The following FUT9 variants were observed in gnomAD, a reference collection of about 807,000 sequenced individuals.
FUT9 encodes the protein 4-galactosyl-N-acetylglucosaminide 3-alpha-L-fucosyltransferase 9.
In FUT9, 15 loss-of-function variants were observed where a neutral mutation model predicts 29.7. That is an observed-to-expected ratio of 0.51 (90% CI 0.34 to 0.78). The LOEUF (loss-of-function observed/expected upper bound fraction) is 0.78, where lower values mean the gene tolerates loss of function less well. Ranked by LOEUF, FUT9 falls within the 30% of genes least tolerant of loss-of-function variation. The pLI, the probability that FUT9 is intolerant of heterozygous loss-of-function variation, is 0.01. For synonymous variants in FUT9, 169 were observed against 153.7 expected (o/e 1.10, Z -0.74); for missense variants, 319 against 425.4 (o/e 0.75, Z 2.20).
chr6:96,098,741 C>A (rs1411395708), intron 1 of FUT9, among the ~76,000 whole-genome samples: 2 of 152,152 alleles, frequency 1.3e-5, no homozygotes, highest in African/African-American at 2.4e-5. Flanking sequence ...TAGGAAAGAT[C>A]TATCACCTAC....
chr6:96,028,862 C>A (rs1290595369), intron 1 of FUT9, among the ~76,000 whole-genome samples: 1 of 151,490 alleles, frequency 6.6e-6, no homozygotes, highest in African/African-American at 2.4e-5. Context: ...AAGAAGTTAT[C>A]TATTTTAATA....
chr6:96,066,347 T>G (rs57583838), intron 1 of FUT9, among the ~76,000 whole-genome samples: 84,200 of 151,578 alleles, frequency 0.56, 23,480 homozygotes, highest in South Asian at 0.64. Flanking sequence ...TAAATAAAAA[T>G]CTAGAACTAA....
intron 2 of FUT9, among the ~76,000 whole-genome samples, chr6:96,178,057 C>G (rs891492726): frequency 1.3e-5 from 2 of 152,068 alleles, no homozygotes; most frequent in Non-Finnish European, 2.9e-5. Context: ...TGGGGTCCAC[C>G]TACACTGCCA....
intron 2 of FUT9, among the ~76,000 whole-genome samples, chr6:96,144,003 T>C (rs895809305): frequency 9.2e-5 from 14 of 152,176 alleles, no homozygotes; most frequent in African/African-American, 2.4e-4. Context: ...CCAGATAAAA[T>C]AGTGAACTGT....
intron 2 of FUT9, among the ~76,000 whole-genome samples, chr6:96,189,068 G>T (rs1039638580): frequency 3.9e-5 from 6 of 152,126 alleles, no homozygotes; most frequent in African/African-American, 1.4e-4. Context: ...TGTACTTGGG[G>T]TTTTGATTTA....
intron 1 of FUT9, among the ~76,000 whole-genome samples, chr6:96,108,141 T>C (rs1407084221): frequency 1.3e-5 from 2 of 152,188 alleles, no homozygotes; most frequent in Admixed American, 6.5e-5. Context: ...TTTGTTCTTT[T>C]CAGTCTAGGA....
At position 96,016,825 on chromosome 6, in the gene FUT9, A is replaced by G. The variant is rs149036031; in HGVS notation, c.-98+613A>G. On this transcript the variant is annotated intron_variant, in intron 1 of 2. Transcript: ENST00000302103. Reference sequence around the variant, plus strand: ...CACGCTGTGATCCTGGTTTCTGTACAGTTACTTTGTGTGTTACTCAGCACC... The same window carrying G: ...CACGCTGTGATCCTGGTTTCTGTACGGTTACTTTGTGTGTTACTCAGCACC... 2.3e-3 allele frequency among the ~76,000 whole-genome samples: 345 copies of G among 152,302 alleles called. 1 individual carries two copies. Among genetic ancestry groups the G allele is most frequent in the African/African-American group, 8.0e-3 (331 of 41,564 alleles).
intron 2 of FUT9, among the ~76,000 whole-genome samples, chr6:96,172,532 T>C (rs563886017): frequency 1.3e-5 from 2 of 152,218 alleles, no homozygotes; most frequent in East Asian, 3.9e-4. Context: ...TTGACCCCTG[T>C]AAATTTTTGC....
intron 2 of FUT9, among the ~76,000 whole-genome samples, chr6:96,163,828 A>C (rs1379436379): frequency 6.6e-6 from 1 of 152,208 alleles, no homozygotes; most frequent in Non-Finnish European, 1.5e-5. Context: ...CCAGCTAAGC[A>C]CTTTACATTT....
At chr6:96,152,849 T>C (rs1772703155) in intron 2 of FUT9, among the ~76,000 whole-genome samples, 1 of 152,216 alleles carries the variant, frequency 6.6e-6, no homozygotes, top group Admixed American at 6.5e-5. Flanking sequence ...TAAAAATGCA[T>C]ATATATTCAA....
intron 2 of FUT9, among the ~76,000 whole-genome samples, chr6:96,146,417 C>T (rs1343295504): frequency 6.6e-6 from 1 of 151,940 alleles, no homozygotes; most frequent in Non-Finnish European, 1.5e-5. Context: ...AAAATGTGGG[C>T]CTAATTTAAA....
chr6:96,029,989 A>C (rs1162483554), intron 1 of FUT9, among the ~76,000 whole-genome samples: 2 of 151,598 alleles, frequency 1.3e-5, no homozygotes. Flanking sequence ...TCAGAATCCA[A>C]GAAGCGAAAT....
At chr6:96,033,843 C>A (rs576004518) in intron 1 of FUT9, among the ~76,000 whole-genome samples, 1 of 151,760 alleles carries the variant, frequency 6.6e-6, no homozygotes, top group Non-Finnish European at 1.5e-5. Context: ...AATACACTCA[C>A]ACACAAATGC....
At position 96,210,997 on chromosome 6, in the gene FUT9, A is replaced by T. The variant is rs186323922; in HGVS notation, c.*6762A>T. 183 of 167,052 alleles carry T rather than the reference A, an allele frequency of 1.1e-3. 1 individual carries two copies. The highest frequency in any genetic ancestry group is 2.9e-3 in the South Asian group (14 of 4,830). 10.3% of individuals were successfully genotyped at this position (167,052 alleles called of 1,614,324 possible). A position where few individuals can be genotyped will look rare whatever the true frequency, so the allele number is the denominator to read the frequency against. ...GTTATCTTTTATTCTTATAAAAGAT[A>T]ATTGTGAGGAATCCAGTGCTATTTT... On this transcript the variant is annotated 3_prime_UTR_variant, in exon 3 of 3. Transcript: ENST00000302103.
At chr6:96,034,550 G>A (rs1400845835) in intron 1 of FUT9, among the ~76,000 whole-genome samples, 1 of 151,574 alleles carries the variant, frequency 6.6e-6, no homozygotes, top group Non-Finnish European at 1.5e-5. Flanking sequence ...TATTGAACTA[G>A]TGTGTAAATA....
intron 1 of FUT9, among the ~76,000 whole-genome samples, chr6:96,025,402 C>A (rs759660858): frequency 3.3e-5 from 5 of 151,754 alleles, no homozygotes; most frequent in Non-Finnish European, 5.9e-5. Flanking sequence ...GACTGTCTAT[C>A]GCCCAGTGGC....
At chr6:96,065,457 T>TA in intron 1 of FUT9, among the ~76,000 whole-genome samples, 1 of 152,172 alleles carries the variant, frequency 6.6e-6, no homozygotes, top group Non-Finnish European at 1.5e-5. Context: ...TACAAATTCC[T>TA]GGCAACTTGC....
intron 1 of FUT9, among the ~76,000 whole-genome samples, chr6:96,101,582 C>T (rs1771586927): frequency 6.6e-6 from 1 of 151,520 alleles, no homozygotes; most frequent in Non-Finnish European, 1.5e-5. Flanking sequence ...TACATTTTAC[C>T]CTCATGTTCA....
In FUT9 at chr6:96,090,732, TA is replaced by T. The variant is rs925804898; in HGVS notation, c.-97-23299del. Among the ~76,000 whole-genome samples the T allele has an allele frequency of 3.1e-4, 47 of 151,636 alleles. No individual in the cohort carries two copies. The Middle Eastern group carries it at 0.02, about 66-fold the overall frequency. On this transcript the variant is annotated intron_variant, in intron 1 of 2. Coordinates refer to ENST00000302103, the MANE Select transcript of FUT9 (RefSeq NM_006581.4). Reference sequence around the variant, plus strand: ...GAGACAGTATGAAATAGACAATTATTAAAAAAAAGTTACTACAATAATAGTC... The same window carrying T: ...GAGACAGTATGAAATAGACAATTATTAAAAAAAGTTACTACAATAATAGTC...
Sources: allele counts gnomAD v4.1 joint callset (sites outside exome capture counted in the v4.1 genomes callset), GRCh38; gene constraint gnomAD v4.1.1; transcripts MANE v1.5; gene names NCBI Gene and HGNC (gene_info 2026-07-23, HGNC 2026-07-21).